Variants in NTM observed in about 807,000 individuals in gnomAD.
NTM encodes IgLON family member 2.
A neutral mutation model predicts 42.1 loss-of-function variants in NTM; 13 were observed. That is an observed-to-expected ratio of 0.31 (90% CI 0.20 to 0.49). The LOEUF (loss-of-function observed/expected upper bound fraction) is 0.49, where lower values mean the gene tolerates loss of function less well. Among genes scored for constraint, NTM ranks in the 20% least tolerant of loss-of-function variants. NTM has a pLI of 0.99. For missense variants in NTM, 373 were observed against 452.8 expected, an observed-to-expected ratio of 0.82 and a Z score of 1.60; for synonymous variants, 187 against 179.2, an observed-to-expected ratio of 1.04 and a Z score of -0.35.
chr11:132,207,880 G>A (rs931840687), intron 3 of NTM, among the ~76,000 whole-genome samples: 2 of 152,154 alleles, frequency 1.3e-5, no homozygotes, highest in Admixed American at 6.5e-5. Flanking sequence ...TCCATAACAC[G>A]TGATTCACCA....
Position 131,587,090 on chromosome 11 carries a change from T to C in NTM, c.82+216202T>C, listed in dbSNP as rs184465778. 1.3e-3 allele frequency among the ~76,000 whole-genome samples: 202 copies of C among 152,344 alleles called. 2 individuals carry two copies. Among genetic ancestry groups the C allele is most frequent in the Non-Finnish European group, 2.2e-4 (15 of 68,030 alleles). On this transcript the variant is annotated intron_variant, in intron 1 of 8. Transcript: ENST00000683400. ...ACTCCACGTGACTTGCATTGTATTATCTCATTTTATTTACCCATTCATGCT... is the reference window on the plus strand; with the variant it reads ...ACTCCACGTGACTTGCATTGTATTACCTCATTTTATTTACCCATTCATGCT...
intron 1 of NTM, among the ~76,000 whole-genome samples, chr11:131,667,558 G>A (rs554216002): frequency 2.5e-4 from 38 of 152,288 alleles, no homozygotes; most frequent in African/African-American, 8.9e-4. Context: ...TTTGCCCCCA[G>A]TGAGCTTCCC....
At chr11:131,538,133 AAAC>A (rs1309485048) in intron 1 of NTM, 5 of 152,222 alleles carry the variant, frequency 3.3e-5, no homozygotes, top group Non-Finnish European at 7.3e-5. Context: ...GAAGAGGAGA[AAAC>A]AACAACTTTC....
intron 1 of NTM, among the ~76,000 whole-genome samples, chr11:131,432,733 C>T (rs1301556493): frequency 1.3e-5 from 2 of 151,840 alleles, no homozygotes; most frequent in Admixed American, 6.6e-5. Context: ...TCAGCTCTCA[C>T]CTGTTTATTT....
chr11:132,128,582 C>T (rs541433195), intron 2 of NTM, among the ~76,000 whole-genome samples: 2 of 151,922 alleles, frequency 1.3e-5, no homozygotes, highest in Admixed American at 6.6e-5. Flanking sequence ...GGAGTTCACC[C>T]AACCAACTTA....
intron 1 of NTM, among the ~76,000 whole-genome samples, chr11:131,428,712 C>G (rs1948394730): frequency 1.3e-5 from 2 of 152,050 alleles, no homozygotes; most frequent in Non-Finnish European, 1.5e-5. Flanking sequence ...CTCAAAAAAA[C>G]CTGGCCTGAT....
chr11:131,904,551 G>C (rs942829929), intron 1 of NTM, among the ~76,000 whole-genome samples: 23 of 152,274 alleles, frequency 1.5e-4, no homozygotes, highest in African/African-American at 5.1e-4. Context: ...CCAGTGATTT[G>C]TTTAAGATGG....
intron 2 of NTM, among the ~76,000 whole-genome samples, chr11:132,020,489 ATAT>A (rs1307063372): frequency 1.3e-5 from 2 of 151,972 alleles, no homozygotes; most frequent in Non-Finnish European, 2.9e-5. Flanking sequence ...TATTGTATTA[ATAT>A]TTTGTCTATT....
At chr11:131,946,907 T>G (rs931210021) in intron 2 of NTM, among the ~76,000 whole-genome samples, 5 of 152,202 alleles carry the variant, frequency 3.3e-5, no homozygotes, top group Non-Finnish European at 7.3e-5. Context: ...TATCTTCATG[T>G]ATACAGGAAA....
chr11:131,452,618 C>T (rs1329126335), intron 1 of NTM, among the ~76,000 whole-genome samples: 3 of 152,154 alleles, frequency 2.0e-5, no homozygotes, highest in Non-Finnish European at 4.4e-5. Context: ...TGGAGAGCCA[C>T]TATCGACATA....
rs968517775 is a variant in NTM at position 131,388,207 on chromosome 11, C to G, written c.82+17319C>G. Among the ~76,000 whole-genome samples the G allele has an allele frequency of 1.2e-4, 18 of 152,118 alleles. 1 individual carries two copies. Among genetic ancestry groups the G allele is most frequent in the Non-Finnish European group, 2.1e-4 (14 of 68,020 alleles). On this transcript the variant is annotated intron_variant, in intron 1 of 8. Coordinates refer to ENST00000683400, the MANE Select transcript of NTM (RefSeq NM_001352005.2). ...AATACTCTCACCTTAGAAAAAAATC[C>G]TTTAAGCCACCGGGACAGAGGAGGC...
chr11:131,819,153 C>T (rs2093073157), intron 1 of NTM, among the ~76,000 whole-genome samples: 1 of 152,154 alleles, frequency 6.6e-6, no homozygotes, highest in South Asian at 2.1e-4. Flanking sequence ...CATGACGAAA[C>T]CCCATGAGTC....
At chr11:131,408,068 T>C (rs2135731974) in intron 1 of NTM, among the ~76,000 whole-genome samples, 1 of 152,344 alleles carries the variant, frequency 6.6e-6, no homozygotes, top group Non-Finnish European at 1.5e-5. Context: ...AGGATTAATG[T>C]GCAATGCCTC....
chr11:132,155,893 G>A (rs1414924518), intron 3 of NTM, among the ~76,000 whole-genome samples: 1 of 152,202 alleles, frequency 6.6e-6, no homozygotes, highest in Non-Finnish European at 1.5e-5. Flanking sequence ...TGGGGTGCAG[G>A]TAGGGTGTGT....
intron 1 of NTM, among the ~76,000 whole-genome samples, chr11:131,872,809 G>A (rs575651808): frequency 6.6e-6 from 1 of 152,246 alleles, no homozygotes; most frequent in East Asian, 1.9e-4. Context: ...GGACAATGTT[G>A]ACACTTAAAA....
intron 1 of NTM, among the ~76,000 whole-genome samples, chr11:131,798,714 T>C (rs1378794822): frequency 1.3e-5 from 2 of 152,224 alleles, no homozygotes; most frequent in African/African-American, 2.4e-5. Flanking sequence ...AGCTATTATA[T>C]AGACAGAACA....
At chr11:132,316,499 A>G (rs1354730085) in intron 7 of NTM, among the ~76,000 whole-genome samples, 2 of 152,228 alleles carry the variant, frequency 1.3e-5, no homozygotes, top group Non-Finnish European at 2.9e-5. Context: ...AAGTAGTAGT[A>G]TGTATTCAAA....
intron 4 of NTM, among the ~76,000 whole-genome samples, chr11:132,275,736 GTATATATATATGTGTATA>G (rs1399860376): frequency 4.7e-3 from 177 of 37,708 alleles, no homozygotes; most frequent in Admixed American, 0.012. Context: ...GTATATATAC[GTATATATATATGTGTATA>G]TATATATATA....
intron 1 of NTM, among the ~76,000 whole-genome samples, chr11:131,632,603 C>T (rs1158984046): frequency 2.0e-5 from 3 of 149,850 alleles, no homozygotes; most frequent in South Asian, 4.2e-4. Context: ...TTATTCTTTT[C>T]CCCCCTTTTC....
Sources: gnomAD v4.1 joint callset for allele counts (sites outside exome capture counted in the v4.1 genomes callset) on GRCh38, gnomAD v4.1.1 for gene constraint, MANE v1.5 for transcripts, NCBI Gene and HGNC (gene_info 2026-07-23, HGNC 2026-07-21) for gene names.